Variants in KCNH1 observed in about 807,000 individuals in gnomAD.
KCNH1 encodes the protein voltage-gated delayed rectifier potassium channel KCNH1.
Under a neutral mutation model 69.2 loss-of-function variants are expected in KCNH1, and 27 were observed. The observed-to-expected ratio is 0.39, with a 90% CI of 0.29 to 0.54. The LOEUF is 0.54. KCNH1 is among the 20% of genes least tolerant of loss of function. KCNH1 has a pLI of 0.68. For missense variants in KCNH1, 798 were observed against 1,261.6 expected (o/e 0.63, Z 5.57); for synonymous variants, 456 against 487.7 (o/e 0.93, Z 0.86).
chr1:210,797,733 T>C lies in KCNH1; in HGVS notation c.1690A>G (p.Arg564Gly). 1 of 1,613,884 alleles carries C rather than the reference T, an allele frequency of 6.2e-7. No individual in the cohort carries two copies. Among genetic ancestry groups the C allele is most frequent in the African/African-American group, 1.3e-5 (1 of 75,036 alleles). ...TTCAGGTGCACGCAGATGTCGGCTC[T>C]CATGTCCTTGGGGCAGATCTGCAGG... is the stretch of plus-strand genomic sequence containing the variant. The part of the protein sequence containing the change: ...KVLQICPKDM[R>G]ADICVHLNRK... Residue 564 changes from arginine (R) to glycine (G), a missense_variant, in exon 9 of 11, where the codon AGA becomes GGA. By Grantham distance (125) the Arg-to-Gly change is moderately radical (BLOSUM62 -2). This residue lies in a region of KCNH1 where 197 missense variants were observed against 407.7 expected (regional missense o/e 0.48). Coordinates refer to ENST00000271751, the MANE Select transcript of KCNH1 (RefSeq NM_172362.3).
At chr1:210,717,489 T>A (rs1682289320) in intron 10 of KCNH1, among the ~76,000 whole-genome samples, 1 of 152,180 alleles carries the variant, frequency 6.6e-6, no homozygotes, top group Non-Finnish European at 1.5e-5. Context: ...CTGGGCCTCA[T>A]GTCACTCCTG....
At chr1:210,797,382 G>T in intron 9 of KCNH1, 126 bp downstream of exon 9, 1 of 1,017,708 alleles carries the variant, frequency 9.8e-7, no homozygotes, top group Non-Finnish European at 1.5e-6. Flanking sequence ...GGATAGATAA[G>T]TGAATATTAG....
chr1:210,832,907 C>CATATATATATATACATATAT (rs1553349179), intron 7 of KCNH1, among the ~76,000 whole-genome samples: 1 of 110,638 alleles, frequency 9.0e-6, no homozygotes, highest in Non-Finnish European at 2.1e-5. Context: ...TTCTCAAATA[C>CATATATATATATACATATAT]ATATATATAT....
At chr1:211,068,585 G>A (rs1208576635) in intron 5 of KCNH1, among the ~76,000 whole-genome samples, 2 of 152,228 alleles carry the variant, frequency 1.3e-5, no homozygotes, top group East Asian at 1.9e-4. Context: ...TAGTAGAGAC[G>A]AGGTTTCACC....
intron 7 of KCNH1, among the ~76,000 whole-genome samples, chr1:210,887,103 A>C (rs1686627519): frequency 1.3e-5 from 2 of 152,196 alleles, no homozygotes; most frequent in South Asian, 4.1e-4. Flanking sequence ...CTTCAGATTC[A>C]CTAAGGTTGA....
intron 6 of KCNH1, among the ~76,000 whole-genome samples, chr1:210,991,762 A>C (rs1410940904): frequency 6.6e-6 from 1 of 152,196 alleles, no homozygotes; most frequent in African/African-American, 2.4e-5. Context: ...TTGTCAATAA[A>C]AATAAAGTAA....
intron 7 of KCNH1, among the ~76,000 whole-genome samples, chr1:210,843,639 T>C (rs1685473623): frequency 6.6e-6 from 1 of 152,134 alleles, no homozygotes; most frequent in Non-Finnish European, 1.5e-5. Flanking sequence ...TGGCACACAG[T>C]ATTTACCAGA....
At chr1:210,713,637 A>G (rs1934618) in intron 10 of KCNH1, among the ~76,000 whole-genome samples, 100,131 of 151,892 alleles carry the variant, frequency 0.66, 34,088 homozygotes, top group African/African-American at 0.81. Context: ...GGGGAAGAAC[A>G]TCCCATCCGT....
intron 5 of KCNH1, among the ~76,000 whole-genome samples, chr1:211,074,291 G>C (rs1039356556): frequency 2.0e-5 from 3 of 151,210 alleles, no homozygotes; most frequent in African/African-American, 7.3e-5. Context: ...CCTTAATTTG[G>C]TATAAATTTA....
chr1:210,919,827 G>A lies in KCNH1; in HGVS notation c.1275C>T (p.Asp425=). The A allele has an allele frequency of 1.2e-6, 2 of 1,614,170 alleles. No individual in the cohort carries two copies. The highest frequency in any genetic ancestry group is 1.7e-6 in the Non-Finnish European group (2 of 1,180,012). Residue 425 remains aspartate (D), a synonymous_variant, in exon 7 of 11, where the codon GAC becomes GAT. Transcript: ENST00000271751. The surrounding 1 kb of genome is among the most constrained non-coding windows in gnomAD (Gnocchi z 4.2). ...CATTAAACTGGTAAGGGGTGCCAAT[G>A]TCCATCGCTAGTTGGTACAGCCAGC... ...NNSWLYQLAM[D]IGTPYQFNGS...
chr1:210,903,475 T>C (rs947364582), intron 7 of KCNH1, among the ~76,000 whole-genome samples: 2 of 152,190 alleles, frequency 1.3e-5, no homozygotes, highest in East Asian at 1.9e-4. Context: ...ACTCTAAGCA[T>C]GGATGGTGAA....
chr1:211,049,669 G>A (rs1690158502), intron 5 of KCNH1, among the ~76,000 whole-genome samples: 1 of 152,154 alleles, frequency 6.6e-6, no homozygotes, highest in South Asian at 2.1e-4. Context: ...AGGAGGGCCT[G>A]GAAGGGGCCA....
chr1:210,876,827 C>T (rs1304086657), intron 7 of KCNH1, among the ~76,000 whole-genome samples: 3 of 152,080 alleles, frequency 2.0e-5, no homozygotes, highest in Non-Finnish European at 4.4e-5. Context: ...GCACCCTTAG[C>T]GTCACTAAGT....
chr1:210,997,533 T>C (rs1346958608), intron 6 of KCNH1, among the ~76,000 whole-genome samples: 1 of 152,208 alleles, frequency 6.6e-6, no homozygotes, highest in East Asian at 1.9e-4. Context: ...AATCTACGTC[T>C]GATTGGTGTA....
intron 7 of KCNH1, among the ~76,000 whole-genome samples, chr1:210,817,729 CAG>C (rs1283286317): frequency 1.3e-5 from 2 of 152,134 alleles, no homozygotes; most frequent in African/African-American, 2.4e-5. Context: ...ACATGGGACA[CAG>C]AGAGTTTAAG....
chr1:211,127,425 C>CA (rs11340722), intron 1 of KCNH1, among the ~76,000 whole-genome samples: 4,728 of 127,564 alleles, frequency 0.037, 112 homozygotes, highest in Non-Finnish European at 0.049. Flanking sequence ...ACACACACAC[C>CA]AAAAAAAAAA....
At chr1:210,975,252 A>G (rs1429385590) in intron 6 of KCNH1, among the ~76,000 whole-genome samples, 3 of 152,160 alleles carry the variant, frequency 2.0e-5, no homozygotes, top group Admixed American at 6.5e-5. Context: ...CTGTCTATCA[A>G]TTTTGTTGAT....
chr1:210,811,178 G>A (rs1256027681), intron 7 of KCNH1, among the ~76,000 whole-genome samples: 1 of 152,170 alleles, frequency 6.6e-6, no homozygotes, highest in Non-Finnish European at 1.5e-5. Context: ...CCAGTCCAGA[G>A]ACTACCTCTA....
chr1:210,907,512 G>T (rs1697620), intron 7 of KCNH1, among the ~76,000 whole-genome samples: 150,408 of 151,116 alleles, frequency 1, 74,852 homozygotes, highest in Middle Eastern at 1. Flanking sequence ...TCAGGATCTA[G>T]GAAAAAGGAC....
Sources: allele counts gnomAD v4.1 joint callset (sites outside exome capture counted in the v4.1 genomes callset), GRCh38; gene constraint gnomAD v4.1.1; regional missense constraint gnomAD v4.1.1; non-coding constraint Gnocchi (gnomAD v3.1); transcripts MANE v1.5; gene names NCBI Gene and HGNC (gene_info 2026-07-23, HGNC 2026-07-21).